Variants in CEP63 observed in about 807,000 individuals in gnomAD.
CEP63 encodes centrosomal protein 63.
Under a neutral mutation model 89.1 loss-of-function variants are expected in CEP63, and 84 were observed. The observed-to-expected ratio is 0.94, with a 90% CI of 0.79 to 1.13. The LOEUF is 1.13. Ranked by LOEUF, CEP63 falls within the 50% of genes most tolerant of loss-of-function variation. The pLI, the probability that CEP63 is intolerant of heterozygous loss-of-function variation, is 0.00. For synonymous variants in CEP63, 267 were observed against 272.5 expected (o/e 0.98, Z 0.20); for missense variants, 838 against 813.3 (o/e 1.03, Z -0.37).
chr3:134,683,591 A>G, the CEP63 span, among the ~76,000 whole-genome samples: 1 of 152,188 alleles, frequency 6.6e-6, no homozygotes, highest in Non-Finnish European at 1.5e-5. Flanking sequence ...TGGTTAAGTC[A>G]AAAATCAAGA....
chr3:134,732,389 A>G, the CEP63 span, among the ~76,000 whole-genome samples: 1 of 152,316 alleles, frequency 6.6e-6, no homozygotes, highest in East Asian at 1.9e-4. Context: ...AGATTCCAAA[A>G]TGCTGTAATC....
the CEP63 span, among the ~76,000 whole-genome samples, chr3:134,593,796 C>T: frequency 1.3e-5 from 2 of 152,214 alleles, no homozygotes; most frequent in African/African-American, 4.8e-5. Flanking sequence ...TCTTGTTGAG[C>T]TTTAAAAATG....
the CEP63 span, among the ~76,000 whole-genome samples, chr3:134,719,785 G>C: frequency 6.6e-6 from 1 of 152,092 alleles, no homozygotes; most frequent in African/African-American, 2.4e-5. Flanking sequence ...TCATCATGTT[G>C]TAGTATGTGT....
intron 3 of CEP63, among the ~76,000 whole-genome samples, chr3:134,529,431 C>T (rs1328816667): frequency 6.7e-6 from 1 of 150,072 alleles, no homozygotes; most frequent in Non-Finnish European, 1.5e-5. Flanking sequence ...ACCTCCACCT[C>T]CTGGGTTCAA....
At chr3:134,508,866 TG>T (rs1470859528) in intron 3 of CEP63, among the ~76,000 whole-genome samples, 1 of 152,178 alleles carries the variant, frequency 6.6e-6, no homozygotes, top group Non-Finnish European at 1.5e-5. Flanking sequence ...TGCTGAAAGT[TG>T]ATTAAGTTTC....
chr3:134,537,282 T>G lies in CEP63; in HGVS notation c.555+14T>G, dbSNP rs1324856521. 1 of 1,511,622 alleles carries G rather than the reference T, an allele frequency of 6.6e-7. No homozygotes were observed. Among genetic ancestry groups the G allele is most frequent in the East Asian group, 2.3e-5 (1 of 44,414 alleles). 93.6% of individuals were successfully genotyped at this position (1,511,622 alleles called of 1,614,324 possible). On this transcript the variant is annotated intron_variant, in intron 6 of 14. Transcript: ENST00000675561. Reference sequence around the variant, plus strand: ...GAGATAATTCAGGTAGGCCTAAGACTTTTTAAAATAATGAGAAGCAGATAG... The same window carrying G: ...GAGATAATTCAGGTAGGCCTAAGACGTTTTAAAATAATGAGAAGCAGATAG...
At chr3:134,619,259 T>C in the CEP63 span, 19 of 1,612,902 alleles carry the variant, frequency 1.2e-5, no homozygotes, top group Admixed American at 2.0e-4. Flanking sequence ...AGCTGCAATG[T>C]CATACTCTAT....
the CEP63 span, among the ~76,000 whole-genome samples, chr3:134,713,715 G>T: frequency 6.6e-6 from 1 of 152,284 alleles, no homozygotes. Flanking sequence ...GGGCAAAAAT[G>T]TAAGGTGGTG....
chr3:134,518,591 A>G (rs2108697905), intron 3 of CEP63, among the ~76,000 whole-genome samples: 1 of 152,378 alleles, frequency 6.6e-6, no homozygotes, highest in South Asian at 2.1e-4. Context: ...TGGACTGAAT[A>G]ATAATGAATA....
the CEP63 span, among the ~76,000 whole-genome samples, chr3:134,597,258 G>A: frequency 5.3e-5 from 8 of 152,294 alleles, no homozygotes; most frequent in East Asian, 1.5e-3. Flanking sequence ...TAAGAAAGAA[G>A]CTGCCTTTCA....
chr3:134,721,435 C>T, the CEP63 span, among the ~76,000 whole-genome samples: 1 of 152,136 alleles, frequency 6.6e-6, no homozygotes, highest in South Asian at 2.1e-4. Flanking sequence ...TTACTTCCTC[C>T]TTTCTAATCT....
chr3:134,629,151 G>A, the CEP63 span, among the ~76,000 whole-genome samples: 3 of 152,224 alleles, frequency 2.0e-5, no homozygotes, highest in Non-Finnish European at 4.4e-5. Context: ...ACAGGCTTCA[G>A]AGTCATACCT....
At chr3:134,702,770 C>T in the CEP63 span, among the ~76,000 whole-genome samples, 1 of 152,104 alleles carries the variant, frequency 6.6e-6, no homozygotes, top group African/African-American at 2.4e-5. Flanking sequence ...CAAAAAGACA[C>T]CGTCTCACAC....
intron 3 of CEP63, among the ~76,000 whole-genome samples, chr3:134,516,367 A>G (rs1262045220): frequency 6.6e-6 from 1 of 152,182 alleles, no homozygotes; most frequent in Non-Finnish European, 1.5e-5. Flanking sequence ...ATCGGGTTTT[A>G]TACCGAGACA....
the CEP63 span, among the ~76,000 whole-genome samples, chr3:134,727,088 G>C: frequency 7.1e-3 from 1,086 of 152,144 alleles, 11 homozygotes; most frequent in African/African-American, 0.023. Context: ...GATTGCCACT[G>C]AGATTTGAAA....
intron 2 of CEP63, among the ~76,000 whole-genome samples, chr3:134,498,238 G>A (rs1940808468): frequency 6.6e-6 from 1 of 151,816 alleles, no homozygotes; most frequent in African/African-American, 2.4e-5. Flanking sequence ...TCCTTCATTA[G>A]TGTTTCATAG....
upstream of CEP63, chr3:134,485,958 C>T (rs1935122432): frequency 2.0e-6 from 2 of 981,798 alleles, no homozygotes; most frequent in Non-Finnish European, 2.4e-6. Flanking sequence ...TTACCGGCAC[C>T]CGGCCACCGC....
chr3:134,726,970 G>A, the CEP63 span, among the ~76,000 whole-genome samples: 3 of 151,276 alleles, frequency 2.0e-5, no homozygotes, highest in Non-Finnish European at 4.4e-5. Context: ...TTGCAGACAT[G>A]TCTTCCTCAT....
At chr3:134,492,478 C>CATT (rs1938033846) in intron 1 of CEP63, among the ~76,000 whole-genome samples, 2 of 75,908 alleles carry the variant, frequency 2.6e-5, no homozygotes, top group South Asian at 4.4e-4. Flanking sequence ...TGGTGTTTGG[C>CATT]ACCAGGCAGA....
Sources: gnomAD v4.1 joint callset for allele counts (sites outside exome capture counted in the v4.1 genomes callset) on GRCh38, gnomAD v4.1.1 for gene constraint, MANE v1.5 for transcripts, NCBI Gene and HGNC (gene_info 2026-07-23, HGNC 2026-07-21) for gene names.